The following LELP1 variants were observed in gnomAD, a reference collection of about 807,000 sequenced individuals.
LELP1 encodes the protein late cornified envelope-like proline-rich protein 1.
In LELP1, 1 loss-of-function variant was observed where a neutral mutation model predicts 0.3. The ratio of observed to expected loss-of-function variants is 2.87; its 90% CI spans 1.02 to 13.63. The LOEUF (loss-of-function observed/expected upper bound fraction) is 13.63. LELP1 is among the 30% of genes most tolerant of loss of function. The probability of loss-of-function intolerance (pLI) is 0.12; values close to 1 mark genes in which losing one functional copy is unlikely to be tolerated. For missense variants in LELP1, 122 were observed against 118.7 expected, an observed-to-expected ratio of 1.03 and a Z score of -0.13; for synonymous variants, 57 against 45.9, an observed-to-expected ratio of 1.24 and a Z score of -0.97.
chr1:153,204,964 G>A lies in LELP1; in HGVS notation c.257G>A (p.Cys86Tyr). 1 of 1,613,850 alleles carries A rather than the reference G, an allele frequency of 6.2e-7. No homozygotes were observed. The highest frequency in any genetic ancestry group is 8.5e-7 in the Non-Finnish European group (1 of 1,179,878). ...KPCPPKCPSS[C>Y]PHACPPPCPP... ...TGTCCTCCTAAATGCCCTTCATCCT[G>A]CCCACATGCTTGCCCACCTCCCTGC... The change falls in exon 2 of 2, where the codon TGC becomes TAC. Residue 86 changes from cysteine (C) to tyrosine (Y), a missense_variant. Physicochemically the swap from Cys to Tyr is radical, Grantham distance 194. Coordinates refer to ENST00000368747, the MANE Select transcript of LELP1 (RefSeq NM_001010857.3).
At chr1:153,203,618 G>C (rs1657696537) in intron 1 of LELP1, 87 bp downstream of exon 1, 1 of 152,280 alleles carries the variant, frequency 6.6e-6, no homozygotes, top group South Asian at 2.1e-4. Flanking sequence ...GCACTGAGCA[G>C]GGTTGGGAAA....
At position 153,204,968 on chromosome 1, in the gene LELP1, A is replaced by G; in HGVS notation, c.261A>G (p.Pro87=). 1 of 1,613,614 alleles carries G rather than the reference A, an allele frequency of 6.2e-7. No homozygotes were observed. The highest frequency in any genetic ancestry group is 1.1e-5 in the South Asian group (1 of 91,056). Residue 87 remains proline (P), a synonymous_variant, in exon 2 of 2, where the codon CCA becomes CCG. Coordinates refer to ENST00000368747, the MANE Select transcript of LELP1 (RefSeq NM_001010857.3). Reference sequence around the variant, plus strand: ...CTCCTAAATGCCCTTCATCCTGCCCACATGCTTGCCCACCTCCCTGCCCTC... The same window carrying G: ...CTCCTAAATGCCCTTCATCCTGCCCGCATGCTTGCCCACCTCCCTGCCCTC... ...PCPPKCPSSC[P]HACPPPCPPP... is the part of the protein sequence containing the mutation.
chr1:153,204,686 G>T lies in LELP1; in HGVS notation c.-21-1G>T. 6.2e-7 allele frequency: 1 copy of T among 1,608,024 alleles called. No individual in the cohort carries two copies. Among genetic ancestry groups the T allele is most frequent in the Non-Finnish European group, 8.5e-7 (1 of 1,174,908 alleles). Reference sequence around the variant, plus strand: ...ACAATGCATCTCATATTTCTTTGCAGGGCTCAGATAATCAAGAAACAATGT... The same window carrying T: ...ACAATGCATCTCATATTTCTTTGCATGGCTCAGATAATCAAGAAACAATGT... On this transcript the variant is annotated splice_acceptor_variant, in intron 1 of 1. Transcript: ENST00000368747. LOFTEE classifies it low-confidence loss of function (5UTR_SPLICE).
chr1:153,204,072 G>A (rs1657703794), intron 1 of LELP1, among the ~76,000 whole-genome samples: 1 of 152,180 alleles, frequency 6.6e-6, no homozygotes, highest in South Asian at 2.1e-4. Context: ...GGAGTGGGCA[G>A]TTCTAGAGTA....
At chr1:153,203,646 G>A (rs985397607) in intron 1 of LELP1, 115 bp downstream of exon 1, 1 of 152,136 alleles carries the variant, frequency 6.6e-6, no homozygotes, top group African/African-American at 2.4e-5. Flanking sequence ...TTGAATGAAA[G>A]TTTCCTGTTA....
Position 153,204,780 on chromosome 1 carries a change from C to A in LELP1, c.73C>A (p.Gln25Lys). 6.2e-7 allele frequency: 1 copy of A among 1,614,056 alleles called. No homozygotes were observed. The highest frequency in any genetic ancestry group is 1.6e-4 in the Middle Eastern group (1 of 6,062). The change falls in exon 2 of 2, where the codon CAA becomes AAA. Residue 25 changes from glutamine (Q) to lysine (K), a missense_variant. Physicochemically the swap from Gln to Lys is moderately conservative, Grantham distance 53. Transcript: ENST00000368747. Reference sequence around the variant, plus strand: ...CAAGAACTGCGATCCCAAGTGTGAACAAAAGTGTGAGTCCAAATGCCAGCC... The same window carrying A: ...CAAGAACTGCGATCCCAAGTGTGAAAAAAAGTGTGAGTCCAAATGCCAGCC... ...EPKNCDPKCE[Q>K]KCESKCQPSC...
At chr1:153,203,808 G>A (rs1437536370) in intron 1 of LELP1, among the ~76,000 whole-genome samples, 1 of 152,112 alleles carries the variant, frequency 6.6e-6, no homozygotes, top group Non-Finnish European at 1.5e-5. Flanking sequence ...AGAAATCAAA[G>A]AAATATAACC....
intron 1 of LELP1, among the ~76,000 whole-genome samples, chr1:153,203,926 G>A (rs534998850): frequency 6.6e-6 from 1 of 152,302 alleles, no homozygotes; most frequent in Admixed American, 6.5e-5. Context: ...CTCAACAGGA[G>A]AGAAAAGGAA....
Position 153,204,747 on chromosome 1 carries a change from A to G in LELP1, c.40A>G (p.Thr14Ala). 6.2e-7 allele frequency: 1 copy of G among 1,614,104 alleles called. No homozygotes were observed. The highest frequency in any genetic ancestry group is 8.5e-7 in the Non-Finnish European group (1 of 1,179,962). Residue 14 changes from threonine (T) to alanine (A), a missense_variant, in exon 2 of 2, where the codon ACT (threonine) becomes GCT (alanine). Thr to Ala is a moderately conservative substitution (Grantham distance 58). Transcript: ENST00000368747. Reference protein sequence around the residue: ...DDKSKSNDPKTEPKNCDPKCE... With the variant: ...DDKSKSNDPKAEPKNCDPKCE... ...TAAAAGTAAATCAAATGACCCCAAG[A>G]CTGAGCCCAAGAACTGCGATCCCAA...
At position 153,204,903 on chromosome 1, in the gene LELP1, C is replaced by T. The variant is rs1274556671; in HGVS notation, c.196C>T (p.Pro66Ser). The change falls in exon 2 of 2, where the codon CCT (proline) becomes TCT (serine). Residue 66 changes from proline to serine, a missense_variant. Pro to Ser is a moderately conservative substitution (Grantham distance 74). Coordinates refer to ENST00000368747, the MANE Select transcript of LELP1 (RefSeq NM_001010857.3). ...PKCLPCPSQSPSSCPPQPCTK... is the reference protein window; with the variant it reads ...PKCLPCPSQSSSSCPPQPCTK... ...GTGCCTGCCCTGCCCCTCGCAGTCTCCTTCATCCTGCCCTCCCCAGCCCTG... is the reference window on the plus strand; with the variant it reads ...GTGCCTGCCCTGCCCCTCGCAGTCTTCTTCATCCTGCCCTCCCCAGCCCTG... 1 of 1,614,044 alleles carries T rather than the reference C, an allele frequency of 6.2e-7. No individual in the cohort carries two copies. Among genetic ancestry groups the T allele is most frequent in the Non-Finnish European group, 8.5e-7 (1 of 1,179,930 alleles).
chr1:153,203,922 A>T (rs144538546), intron 1 of LELP1, among the ~76,000 whole-genome samples: 4 of 152,338 alleles, frequency 2.6e-5, no homozygotes, highest in African/African-American at 9.6e-5. Context: ...AAAACTCAAC[A>T]GGAGAGAAAA....
At chr1:153,204,327 C>G (rs1222158848) in intron 1 of LELP1, among the ~76,000 whole-genome samples, 1 of 152,064 alleles carries the variant, frequency 6.6e-6, no homozygotes, top group East Asian at 1.9e-4. Flanking sequence ...CTTAGGGACT[C>G]CTTGGAATCA....
intron 1 of LELP1, among the ~76,000 whole-genome samples, chr1:153,204,321 G>A (rs1387229428): frequency 6.6e-6 from 1 of 152,090 alleles, no homozygotes; most frequent in African/African-American, 2.4e-5. Flanking sequence ...GTCAAACTTA[G>A]GGACTCCTTG....
intron 1 of LELP1, among the ~76,000 whole-genome samples, chr1:153,204,414 G>A (rs1004920422): frequency 6.6e-6 from 1 of 152,170 alleles, no homozygotes; most frequent in Non-Finnish European, 1.5e-5. Context: ...TCAGTGGGGT[G>A]GGGGAGGTGG....
chr1:153,204,556 C>T (rs1400277238), intron 1 of LELP1, 131 bp from the exon 2 acceptor site: 9 of 692,128 alleles, frequency 1.3e-5, no homozygotes, highest in East Asian at 4.9e-5. Context: ...AGGATGAGGG[C>T]GGCCCTAAAT....
chr1:153,204,931 C>T lies in LELP1; in HGVS notation c.224C>T (p.Thr75Ile), dbSNP rs773180163. 3.1e-6 allele frequency: 5 copies of T among 1,613,942 alleles called. No individual in the cohort carries two copies. Among genetic ancestry groups the T allele is most frequent in the South Asian group, 2.2e-5 (2 of 91,076 alleles). ...TCATCCTGCCCTCCCCAGCCCTGCA[C>T]CAAGCCCTGTCCTCCTAAATGCCCT... Reference protein sequence around the residue: ...SPSSCPPQPCTKPCPPKCPSS... With the variant: ...SPSSCPPQPCIKPCPPKCPSS... The change falls in exon 2 of 2, where the codon ACC (threonine) becomes ATC (isoleucine). Residue 75 changes from threonine to isoleucine, a missense_variant. Coordinates refer to ENST00000368747, the MANE Select transcript of LELP1 (RefSeq NM_001010857.3).
Position 153,204,766 on chromosome 1 carries a change from A to G in LELP1, c.59A>G (p.Asp20Gly). ...NDPKTEPKNC[D>G]PKCEQKCESK... Reference sequence around the variant, plus strand: ...CCCAAGACTGAGCCCAAGAACTGCGATCCCAAGTGTGAACAAAAGTGTGAG... The same window carrying G: ...CCCAAGACTGAGCCCAAGAACTGCGGTCCCAAGTGTGAACAAAAGTGTGAG... The change falls in exon 2 of 2, where the codon GAT becomes GGT. Residue 20 changes from aspartate to glycine, a missense_variant. Transcript: ENST00000368747. The G allele has an allele frequency of 3.7e-6, 6 of 1,614,114 alleles. No individual in the cohort carries two copies. Among genetic ancestry groups the G allele is most frequent in the Non-Finnish European group, 5.1e-6 (6 of 1,179,940 alleles).
chr1:153,204,770 C>G lies in LELP1; in HGVS notation c.63C>G (p.Pro21=), dbSNP rs1184035234. 7 of 1,614,008 alleles carry G rather than the reference C, an allele frequency of 4.3e-6. No homozygotes were observed. The South Asian group carries it at 5.5e-5, about 13-fold the overall frequency. The change falls in exon 2 of 2, where the codon CCC becomes CCG. Residue 21 remains proline, a synonymous_variant. Coordinates refer to ENST00000368747, the MANE Select transcript of LELP1 (RefSeq NM_001010857.3). The stretch of plus-strand genomic sequence containing the variant: ...AGACTGAGCCCAAGAACTGCGATCC[C>G]AAGTGTGAACAAAAGTGTGAGTCCA... ...DPKTEPKNCD[P]KCEQKCESKC...
At chr1:153,204,591 G>A in intron 1 of LELP1, 96 bp from the exon 2 acceptor site, 3 of 837,734 alleles carry the variant, frequency 3.6e-6, no homozygotes, top group East Asian at 2.4e-5. Flanking sequence ...GAGCCTGAAT[G>A]CATCTCAGGG....
Sources: gnomAD v4.1 joint callset for allele counts (sites outside exome capture counted in the v4.1 genomes callset) on GRCh38, gnomAD v4.1.1 for gene constraint, MANE v1.5 for transcripts, NCBI Gene and HGNC (gene_info 2026-07-23, HGNC 2026-07-21) for gene names.